The following NKAIN3 variants were observed in gnomAD, a reference collection of about 807,000 sequenced individuals.
NKAIN3 encodes the protein sodium/potassium transporting ATPase interacting 3, also known as sodium/potassium-transporting ATPase subunit beta-1-interacting protein 3.
In NKAIN3, 25 loss-of-function variants were observed where a neutral mutation model predicts 30.2. The ratio of observed to expected loss-of-function variants is 0.83; its 90% confidence interval spans 0.60 to 1.16. The LOEUF is 1.16. Ranked by LOEUF, NKAIN3 falls within the 50% of genes most tolerant of loss-of-function variation. The probability of loss-of-function intolerance (pLI) is 0.00; values close to 1 mark genes in which losing one functional copy is unlikely to be tolerated. For missense variants in NKAIN3, 225 were observed against 254.1 expected (o/e 0.89, Z 0.78); for synonymous variants, 91 against 89.6 (o/e 1.02, Z -0.09).
At chr8:62,298,680 G>A (rs755110817) in intron 1 of NKAIN3, among the ~76,000 whole-genome samples, 15 of 151,884 alleles carry the variant, frequency 9.9e-5, no homozygotes, top group Non-Finnish European at 1.9e-4. Flanking sequence ...TCTTCTCTTC[G>A]GGATCAGTGT....
intron 3 of NKAIN3, among the ~76,000 whole-genome samples, chr8:62,616,221 T>C (rs1174709829): frequency 2.0e-5 from 3 of 152,112 alleles, no homozygotes; most frequent in African/African-American, 7.2e-5. Context: ...TGACACTACC[T>C]AGAGCTAGCA....
intron 5 of NKAIN3, among the ~76,000 whole-genome samples, chr8:62,996,393 A>G (rs1227417984): frequency 6.6e-6 from 1 of 151,948 alleles, no homozygotes; most frequent in Non-Finnish European, 1.5e-5. Flanking sequence ...ATCACCTCCC[A>G]TCGGGTCCCT....
intron 4 of NKAIN3, among the ~76,000 whole-genome samples, chr8:62,794,895 T>C (rs548052019): frequency 1.3e-5 from 2 of 152,218 alleles, no homozygotes; most frequent in Non-Finnish European, 2.9e-5. Context: ...TTTATTGCCT[T>C]TCCCCCTTCT....
chr8:62,252,723 T>C (rs1409758820), intron 1 of NKAIN3, among the ~76,000 whole-genome samples: 1 of 152,248 alleles, frequency 6.6e-6, no homozygotes, highest in Non-Finnish European at 1.5e-5. Context: ...CTGATTCATC[T>C]AGTCATCCAA....
intron 4 of NKAIN3, among the ~76,000 whole-genome samples, chr8:62,791,633 T>C (rs948295844): frequency 6.6e-4 from 100 of 152,244 alleles, no homozygotes; most frequent in African/African-American, 2.3e-3. Context: ...TATATCCTGA[T>C]TGATACCAGT....
chr8:62,955,977 A>T (rs1306583503), intron 6 of NKAIN3, among the ~76,000 whole-genome samples: 1 of 152,230 alleles, frequency 6.6e-6, no homozygotes, highest in Non-Finnish European at 1.5e-5. Flanking sequence ...GCATATTATC[A>T]TGTCAGATGA....
intron 1 of NKAIN3, among the ~76,000 whole-genome samples, chr8:62,340,205 C>T (rs1815696499): frequency 6.6e-6 from 1 of 151,926 alleles, no homozygotes; most frequent in Admixed American, 6.6e-5. Flanking sequence ...GGACAAAAAG[C>T]ATATGATGTA....
At position 62,568,469 on chromosome 8, in the gene NKAIN3, G is replaced by A. The variant is rs367729224; in HGVS notation, c.55-11070G>A. Among the ~76,000 whole-genome samples, 114 of 152,182 alleles carry A rather than the reference G, an allele frequency of 7.5e-4. 1 individual carries two copies. In the Middle Eastern group the frequency reaches 0.02, roughly 27 times the overall value. ...GACACATTGAAAATTTTGCGAAATCGTTTTCACTCTGCCAGTTGATATTCT... is the reference window on the plus strand; with the variant it reads ...GACACATTGAAAATTTTGCGAAATCATTTTCACTCTGCCAGTTGATATTCT... On this transcript the variant is annotated intron_variant, in intron 1 of 6. Transcript: ENST00000623646.
rs147453261 is a variant in NKAIN3, at chr8:62,982,623, G to A, written c.*17216G>A. 24 of 152,318 alleles carry A rather than the reference G, an allele frequency of 1.6e-4. No individual in the cohort carries two copies. The highest frequency in any genetic ancestry group is 5.5e-4 in the African/African-American group (23 of 41,570). 9.4% of individuals were successfully genotyped at this position (152,318 alleles called of 1,614,324 possible). A position where few individuals can be genotyped will look rare whatever the true frequency, so the allele number is the denominator to read the frequency against. On this transcript the variant is annotated 3_prime_UTR_variant, in exon 7 of 7. Coordinates refer to ENST00000623646, the MANE Select transcript of NKAIN3 (RefSeq NM_001304533.3). ...AAAAAATGAATAGATTTTCAAGATT[G>A]TGAGTCCTGACATGAGTTCTCTAGA...
chr8:62,598,092 T>C (rs1432441774), intron 3 of NKAIN3, among the ~76,000 whole-genome samples: 2 of 152,024 alleles, frequency 1.3e-5, no homozygotes, highest in African/African-American at 4.8e-5. Flanking sequence ...TTCAGTTTCC[T>C]TACTCCTTAG....
At chr8:62,851,237 T>C (rs1819886514) in intron 4 of NKAIN3, among the ~76,000 whole-genome samples, 1 of 152,220 alleles carries the variant, frequency 6.6e-6, no homozygotes, top group Admixed American at 6.5e-5. Context: ...GGGAGTTCCC[T>C]CATGATTTGG....
intron 3 of NKAIN3, among the ~76,000 whole-genome samples, chr8:62,690,306 G>C (rs1813926413): frequency 6.6e-6 from 1 of 152,092 alleles, no homozygotes; most frequent in Non-Finnish European, 1.5e-5. Context: ...CGTGCCCCTG[G>C]ACCAGTCCTG....
At chr8:62,482,581 T>C (rs866107592) in intron 1 of NKAIN3, 1 of 152,228 alleles carries the variant, frequency 6.6e-6, no homozygotes, top group East Asian at 1.9e-4. Context: ...TGGCTTAGCT[T>C]TGCCTGCAAT....
chr8:62,863,358 C>A, intron 4 of NKAIN3: 1 of 1,546,064 alleles, frequency 6.5e-7, no homozygotes, highest in Non-Finnish European at 8.8e-7. Flanking sequence ...TCTCAGCTGC[C>A]GTTCTTCTCA....
intron 4 of NKAIN3, among the ~76,000 whole-genome samples, chr8:62,911,474 AC>A (rs925898000): frequency 2.5e-4 from 38 of 152,282 alleles, no homozygotes; most frequent in African/African-American, 9.1e-4. Flanking sequence ...TATAGGCAAA[AC>A]AACAGAACTC....
intron 3 of NKAIN3, among the ~76,000 whole-genome samples, chr8:62,630,997 T>C (rs1811939612): frequency 6.6e-6 from 1 of 152,142 alleles, no homozygotes; most frequent in South Asian, 2.1e-4. Context: ...AATACGTTTT[T>C]ACTGTTTCCA....
intron 1 of NKAIN3, among the ~76,000 whole-genome samples, chr8:62,398,963 C>A (rs563480915): frequency 6.6e-6 from 1 of 152,086 alleles, no homozygotes; most frequent in Non-Finnish European, 1.5e-5. Flanking sequence ...TGGTGGCACA[C>A]GCCTGAAATT....
intron 1 of NKAIN3, among the ~76,000 whole-genome samples, chr8:62,520,800 G>C (rs1159626425): frequency 6.6e-6 from 1 of 152,034 alleles, no homozygotes; most frequent in South Asian, 2.1e-4. Context: ...TAGTGAGACT[G>C]TACTGGAAAA....
chr8:62,679,843 A>T (rs1813597008), intron 3 of NKAIN3, among the ~76,000 whole-genome samples: 1 of 152,188 alleles, frequency 6.6e-6, no homozygotes, highest in Admixed American at 6.5e-5. Flanking sequence ...ATTACAATTC[A>T]ACATGATATT....
Sources: gnomAD v4.1 joint callset for allele counts (sites outside exome capture counted in the v4.1 genomes callset) on GRCh38, gnomAD v4.1.1 for gene constraint, MANE v1.5 for transcripts, NCBI Gene and HGNC (gene_info 2026-07-23, HGNC 2026-07-21) for gene names.